The following KDM2A variants were observed in gnomAD, a reference collection of about 807,000 sequenced individuals.
The protein encoded by KDM2A is lysine demethylase 2A.
In KDM2A, 3 loss-of-function variants were observed where a neutral mutation model predicts 137.3. That is an observed-to-expected ratio of 0.02 (90% confidence interval 0.01 to 0.06). The LOEUF (loss-of-function observed/expected upper bound fraction) is 0.06, where lower values mean the gene tolerates loss of function less well. KDM2A is among the 10% of genes least tolerant of loss of function. KDM2A has a pLI of 1.00. For missense variants in KDM2A, 738 were observed against 1,510.6 expected (o/e 0.49, Z 8.48); for synonymous variants, 512 against 541.5 (o/e 0.95, Z 0.76).
At position 67,246,190 on chromosome 11, in the gene KDM2A, G is replaced by T. The variant is rs1784149175; in HGVS notation, c.1965+74G>T. 2.7e-5 allele frequency: 41 copies of T among 1,531,678 alleles called. No homozygotes were observed. In the South Asian group the frequency reaches 4.3e-4, roughly 16 times the overall value. 94.9% of individuals were successfully genotyped at this position (1,531,678 alleles called of 1,614,324 possible). On this transcript the variant is annotated intron_variant, in intron 15 of 20. Coordinates refer to ENST00000529006, the MANE Select transcript of KDM2A (RefSeq NM_012308.3). ...TGACACAACAGAATGGGACACTTGT[G>T]ATGGGAGTGCCAGCATCCCTACTGT...
chr11:67,177,872 A>G (rs972945527), intron 2 of KDM2A, among the ~76,000 whole-genome samples: 1 of 152,188 alleles, frequency 6.6e-6, no homozygotes, highest in Non-Finnish European at 1.5e-5. Context: ...GCCACAAACG[A>G]GAGTAATGTG....
At chr11:67,225,662 C>T (rs1018955864) in intron 10 of KDM2A, among the ~76,000 whole-genome samples, 19 of 151,494 alleles carry the variant, frequency 1.3e-4, no homozygotes, top group African/African-American at 1.7e-4. Flanking sequence ...CCCAGCTACT[C>T]GGGAGGCTGA....
chr11:67,253,902 C>T (rs1590834127), intron 19 of KDM2A, among the ~76,000 whole-genome samples: 1 of 152,266 alleles, frequency 6.6e-6, no homozygotes, highest in South Asian at 2.1e-4. Flanking sequence ...GAGTCAAAAG[C>T]TATTTGCATG....
At position 67,257,871 on chromosome 11, in the gene KDM2A, G is replaced by C. The variant is rs536057766; in HGVS notation, c.*2816G>C. The C allele has an allele frequency of 6.6e-6, 1 of 152,226 alleles. No individual in the cohort carries two copies. Among genetic ancestry groups the C allele is most frequent in the South Asian group, 2.1e-4 (1 of 4,830 alleles). 9.4% of individuals were successfully genotyped at this position (152,226 alleles called of 1,614,324 possible). A position where few individuals can be genotyped will look rare whatever the true frequency, so the allele number is the denominator to read the frequency against. On this transcript the variant is annotated 3_prime_UTR_variant, in exon 21 of 21. Coordinates refer to ENST00000529006, the MANE Select transcript of KDM2A (RefSeq NM_012308.3). ...AGAAGGAGGAAGCTAGTTGGACTTT[G>C]TTTTGTTTTCCAAAAGTTCTCCACT...
intron 5 of KDM2A, among the ~76,000 whole-genome samples, chr11:67,190,067 AT>A (rs1160671988): frequency 6.6e-6 from 1 of 152,240 alleles, no homozygotes; most frequent in African/African-American, 2.4e-5. Flanking sequence ...ACAAAGCTTT[AT>A]TTAGCCAGAT....
intron 11 of KDM2A, among the ~76,000 whole-genome samples, chr11:67,230,880 T>C (rs529687298): frequency 2.8e-4 from 42 of 152,262 alleles, no homozygotes; most frequent in African/African-American, 8.9e-4. Flanking sequence ...TTGTTACTTA[T>C]GTTGTTAGAA....
Position 67,180,178 on chromosome 11 carries a change from A to C in KDM2A, c.142A>C (p.Lys48Gln), listed in dbSNP as rs773611489. The change falls in exon 3 of 21, where the codon AAA becomes CAA. Residue 48 changes from lysine (K) to glutamine (Q), a missense_variant. By Grantham distance (53) the Lys-to-Gln change is moderately conservative. Transcript: ENST00000529006. ...CTTGGAAGAGAAACTGCACACCAAC[A>C]AATATAATGCCAATTTTGTTACTTT... ...FDLEEKLHTN[K>Q]YNANFVTFME... 1.2e-6 allele frequency: 2 copies of C among 1,613,896 alleles called. No individual in the cohort carries two copies.
At chr11:67,231,251 C>T (rs935929877) in intron 11 of KDM2A, among the ~76,000 whole-genome samples, 1 of 152,140 alleles carries the variant, frequency 6.6e-6, no homozygotes, top group Non-Finnish European at 1.5e-5. Flanking sequence ...CAAGCTTTAA[C>T]TTGAAACTGA....
intron 13 of KDM2A, among the ~76,000 whole-genome samples, chr11:67,244,692 C>T (rs1180310557): frequency 6.6e-6 from 1 of 152,072 alleles, no homozygotes; most frequent in Non-Finnish European, 1.5e-5. Flanking sequence ...AGCATGAAAG[C>T]AGCCATTGAT....
chr11:67,254,586 G>A lies in KDM2A; in HGVS notation c.3307+168G>A. On this transcript the variant is annotated intron_variant, in intron 20 of 20. Coordinates refer to ENST00000529006, the MANE Select transcript of KDM2A (RefSeq NM_012308.3). The surrounding 1 kb of genome is among the most constrained non-coding windows in gnomAD (Gnocchi z 4.7). ...TTTCTATCCCTTTTTTAACTGATGG[G>A]GGACTGAGGCCTTGAGTAGTTAAGT... 1.5e-6 allele frequency: 1 copy of A among 676,588 alleles called. No homozygotes were observed. 41.9% of individuals were successfully genotyped at this position (676,588 alleles called of 1,614,324 possible).
intron 2 of KDM2A, among the ~76,000 whole-genome samples, chr11:67,167,550 T>C (rs1367064628): frequency 6.6e-6 from 1 of 152,148 alleles, no homozygotes; most frequent in African/African-American, 2.4e-5. Flanking sequence ...CTTTTGTATA[T>C]TCATCTTCTC....
intron 12 of KDM2A, chr11:67,240,380 C>A: frequency 6.5e-7 from 1 of 1,532,784 alleles, no homozygotes; most frequent in Non-Finnish European, 8.7e-7. Flanking sequence ...GTCAGGGGGT[C>A]GATCGGCAAA....
intron 2 of KDM2A, among the ~76,000 whole-genome samples, chr11:67,145,463 C>T (rs1856221988): frequency 6.6e-6 from 1 of 151,860 alleles, no homozygotes; most frequent in Non-Finnish European, 1.5e-5. Flanking sequence ...TCACTCCAGC[C>T]TTCCAGAGTG....
In KDM2A at chr11:67,231,941, C is replaced by G. The variant is rs1018036680; in HGVS notation, c.1460C>G (p.Ala487Gly). 6.2e-6 allele frequency: 10 copies of G among 1,612,684 alleles called. No homozygotes were observed. The highest frequency in any genetic ancestry group is 1.7e-5 in the Admixed American group (1 of 59,950). ...CCCACAGGGATAGAAGATGAAGATGCTCTCATTGCTGATGTAAAGGTAAGG... is the reference window on the plus strand; with the variant it reads ...CCCACAGGGATAGAAGATGAAGATGGTCTCATTGCTGATGTAAAGGTAAGG... ...CVPTGIEDED[A>G]LIADVKILLE... Residue 487 changes from alanine (A) to glycine (G), a missense_variant, in exon 12 of 21, where the codon GCT (alanine) becomes GGT (glycine). Around this residue, in one of 9 missense-constraint regions of KDM2A, gnomAD observed 71 missense variants for 147.9 expected, o/e 0.48. Coordinates refer to ENST00000529006, the MANE Select transcript of KDM2A (RefSeq NM_012308.3).
At chr11:67,150,894 CTCT>C (rs1856369668) in intron 2 of KDM2A, among the ~76,000 whole-genome samples, 1 of 152,056 alleles carries the variant, frequency 6.6e-6, no homozygotes, top group South Asian at 2.1e-4. Context: ...TAGCATTCAC[CTCT>C]TCTTTCATCC....
rs1333736828 is a variant in KDM2A at position 67,119,329 on chromosome 11, C to CGTGTTGTTT, written c.-804_-803insGTGTTGTTT. The CGTGTTGTTT allele has an allele frequency of 6.0e-6, 1 of 166,192 alleles. No homozygotes were observed. Among genetic ancestry groups the CGTGTTGTTT allele is most frequent in the East Asian group, 1.8e-4 (1 of 5,538 alleles). The allele number at this position is 166,192 out of a possible 1,614,324, so 10.3% of individuals were successfully genotyped here. A position where few individuals can be genotyped will look rare whatever the true frequency, so the allele number is the denominator to read the frequency against. ...AGCGGCTCCTCCTGTGTGAGGGAAA[C>CGTGTTGTTT]AACACCCCTCCCCGGCAGCGGCGGC... On this transcript the variant is annotated 5_prime_UTR_variant, in exon 1 of 21. Coordinates refer to ENST00000529006, the MANE Select transcript of KDM2A (RefSeq NM_012308.3).
chr11:67,128,430 A>G (rs1401719415), intron 2 of KDM2A, among the ~76,000 whole-genome samples: 1 of 151,930 alleles, frequency 6.6e-6, no homozygotes, highest in Non-Finnish European at 1.5e-5. Flanking sequence ...AGAAAAAATT[A>G]TATGTGGTCT....
chr11:67,202,117 TAGTG>T (rs954681348), intron 5 of KDM2A, among the ~76,000 whole-genome samples: 17 of 152,042 alleles, frequency 1.1e-4, no homozygotes, highest in South Asian at 8.3e-4. Context: ...GTGGTGAAAA[TAGTG>T]AGAGAGCTAG....
At chr11:67,205,399 T>A (rs1196479448) in intron 5 of KDM2A, among the ~76,000 whole-genome samples, 1 of 152,078 alleles carries the variant, frequency 6.6e-6, no homozygotes, top group Non-Finnish European at 1.5e-5. Context: ...AGCTATAAAT[T>A]CCTTAGAGAC....
Sources: allele counts gnomAD v4.1 joint callset (sites outside exome capture counted in the v4.1 genomes callset), GRCh38; gene constraint gnomAD v4.1.1; regional missense constraint gnomAD v4.1.1; non-coding constraint Gnocchi (gnomAD v3.1); transcripts MANE v1.5; gene names NCBI Gene and HGNC (gene_info 2026-07-23, HGNC 2026-07-21).